NEIL3: variants seen among roughly 807,000 people sequenced by gnomAD.
NEIL3 encodes endonuclease 8-like 3.
NEIL3 carries 48 observed loss-of-function variants against 57.5 expected under a neutral mutation model. The ratio of observed to expected loss-of-function variants is 0.83; its 90% confidence interval spans 0.66 to 1.06. The LOEUF is 1.06. NEIL3 is among the 50% of genes least tolerant of loss of function. The probability of loss-of-function intolerance (pLI) is 0.00; values close to 1 mark genes in which losing one functional copy is unlikely to be tolerated. For synonymous variants in NEIL3, 261 were observed against 253.2 expected (o/e 1.03, Z -0.29); for missense variants, 717 against 739.1 (o/e 0.97, Z 0.35).
At chr4:177,358,997 C>A (rs913627929) in intron 8 of NEIL3, among the ~76,000 whole-genome samples, 4 of 152,142 alleles carry the variant, frequency 2.6e-5, no homozygotes, top group Non-Finnish European at 5.9e-5. Context: ...ATTGTGAAAT[C>A]TCTTGACTTC....
At chr4:177,311,864 T>G (rs907654395) in intron 1 of NEIL3, among the ~76,000 whole-genome samples, 1 of 151,870 alleles carries the variant, frequency 6.6e-6, no homozygotes, top group African/African-American at 2.4e-5. Flanking sequence ...GACAAGAGAA[T>G]CACTATGATG....
In NEIL3 at chr4:177,353,540, T is replaced by G. The variant is rs10007075; in HGVS notation, c.1272T>G (p.Val424=). ...TTCAAAACTCTCCTCCTGCTAGTGT[T>G]TGTTTGAATGATATACAGCACCCCT... ...EEFQNSPPAS[V]CLNDIQHPSK... Residue 424 remains valine, a synonymous_variant, in exon 8 of 10, where the codon GTT becomes GTG. Coordinates refer to ENST00000264596, the MANE Select transcript of NEIL3 (RefSeq NM_018248.3). 1,152,376 of 1,610,118 alleles carry G rather than the reference T, an allele frequency of 0.72. 419,367 individuals carry two copies. Among genetic ancestry groups the G allele is most frequent in the Non-Finnish European group, 0.76 (888,837 of 1,177,048 alleles).
At chr4:177,325,589 A>T (rs1734765865) in intron 2 of NEIL3, among the ~76,000 whole-genome samples, 2 of 152,054 alleles carry the variant, frequency 1.3e-5, no homozygotes, top group Non-Finnish European at 2.9e-5. Flanking sequence ...AGAAATTCTA[A>T]GTCATTTGGT....
At chr4:177,337,498 C>T (rs1735000289) in intron 4 of NEIL3, among the ~76,000 whole-genome samples, 1 of 151,994 alleles carries the variant, frequency 6.6e-6, no homozygotes, top group South Asian at 2.1e-4. Context: ...CACGTGAGTT[C>T]AGTATGGAAA....
At chr4:177,349,933 GC>G (rs1231909376) in intron 6 of NEIL3, among the ~76,000 whole-genome samples, 4 of 152,196 alleles carry the variant, frequency 2.6e-5, no homozygotes, top group Non-Finnish European at 5.9e-5. Context: ...GCATCATGCT[GC>G]CTTTCAAAGT....
chr4:177,333,483 T>C (rs1415684044), intron 2 of NEIL3, among the ~76,000 whole-genome samples: 1 of 152,204 alleles, frequency 6.6e-6, no homozygotes, highest in Non-Finnish European at 1.5e-5. Flanking sequence ...TATCTTTTGT[T>C]GACTTTGGCA....
intron 2 of NEIL3, 40 bp from the exon 3 acceptor site, chr4:177,335,648 A>G: frequency 6.3e-7 from 1 of 1,589,930 alleles, no homozygotes; most frequent in Non-Finnish European, 8.6e-7. Context: ...GATAAATGAT[A>G]TACTTTCTGC....
chr4:177,370,618 G>A, the NEIL3 span, among the ~76,000 whole-genome samples: 3,899 of 152,190 alleles, frequency 0.026, 170 homozygotes, highest in African/African-American at 0.087. Flanking sequence ...AAGAGATGAA[G>A]AGCTGGGTGC....
At chr4:177,311,702 G>A (rs1482229452) in intron 1 of NEIL3, among the ~76,000 whole-genome samples, 5 of 151,150 alleles carry the variant, frequency 3.3e-5, no homozygotes, top group Non-Finnish European at 7.4e-5. Context: ...AAAAGCTGAG[G>A]TGTGCAGGGT....
At chr4:177,358,732 C>G (rs1735541532) in intron 8 of NEIL3, among the ~76,000 whole-genome samples, 1 of 152,110 alleles carries the variant, frequency 6.6e-6, no homozygotes, top group Non-Finnish European at 1.5e-5. Flanking sequence ...TGGCCCTTCT[C>G]CCCAGAAAAA....
rs1167596266 is a variant in NEIL3 at position 177,351,392 on chromosome 4, T to G, written c.882T>G (p.Thr294=). 1 of 1,607,872 alleles carries G rather than the reference T, an allele frequency of 6.2e-7. No homozygotes were observed. Among genetic ancestry groups the G allele is most frequent in the East Asian group, 2.2e-5 (1 of 44,854 alleles). The change falls in exon 7 of 10, where the codon ACT becomes ACG. Residue 294 remains threonine (T), a synonymous_variant. Transcript: ENST00000264596. ...PQHVDICKLP[T]RNTIISWTSS... ...AATTATCTTATAGCAAGCTACCGAC[T>G]AGAAATACTATAATCAGTTGGACAT...
chr4:177,320,480 T>TGC (rs1293269298), intron 1 of NEIL3, among the ~76,000 whole-genome samples: 13 of 86,826 alleles, frequency 1.5e-4, no homozygotes, highest in African/African-American at 5.1e-4. Context: ...TTTTTTTTTT[T>TGC]TTTTTTTTTT....
downstream of NEIL3, among the ~76,000 whole-genome samples, chr4:177,364,909 A>G (rs1328253156): frequency 6.6e-6 from 1 of 150,726 alleles, no homozygotes; most frequent in Non-Finnish European, 1.5e-5. Flanking sequence ...GCCTGGTGAC[A>G]GAGTGAGACT....
intron 7 of NEIL3, among the ~76,000 whole-genome samples, chr4:177,352,740 G>T (rs1735384436): frequency 6.6e-6 from 1 of 151,914 alleles, no homozygotes; most frequent in Admixed American, 6.6e-5. Context: ...TGAGGCAGGA[G>T]AATGGCGTGA....
Position 177,309,876 on chromosome 4 carries a change from T to G in NEIL3, c.-78T>G. 6.6e-7 allele frequency: 1 copy of G among 1,525,418 alleles called. No homozygotes were observed. Among genetic ancestry groups the G allele is most frequent in the Non-Finnish European group, 8.8e-7 (1 of 1,136,064 alleles). The allele number at this position is 1,525,418 out of a possible 1,614,324, so 94.5% of individuals were successfully genotyped here. A position where few individuals can be genotyped will look rare whatever the true frequency, so the allele number is the denominator to read the frequency against. ...TTGAATTTCCTCTGCGTGCGGTCAG[T>G]GCCCGCGCAGCGTTGAGTTGCACAG... is the stretch of plus-strand genomic sequence containing the variant. On this transcript the variant is annotated 5_prime_UTR_variant, in exon 1 of 10. Transcript: ENST00000264596.
chr4:177,317,109 T>C (rs1734588220), intron 1 of NEIL3, among the ~76,000 whole-genome samples: 1 of 152,238 alleles, frequency 6.6e-6, no homozygotes, highest in Admixed American at 6.5e-5. Context: ...TAAGTTAATA[T>C]CTACCTTGAA....
chr4:177,364,178 T>TA (rs35566131), downstream of NEIL3, among the ~76,000 whole-genome samples: 20,395 of 152,220 alleles, frequency 0.13, 1,534 homozygotes, highest in South Asian at 0.26. Flanking sequence ...TCTATTATGA[T>TA]AAAATTTCTC....
Position 177,322,568 on chromosome 4 carries a change from C to A in NEIL3, c.266C>A (p.Pro89Gln), listed in dbSNP as rs1474425066. 7.4e-6 allele frequency: 12 copies of A among 1,613,626 alleles called. No homozygotes were observed. The highest frequency in any genetic ancestry group is 1.7e-5 in the Admixed American group (1 of 59,986). Residue 89 changes from proline (P) to glutamine (Q), a missense_variant, in exon 2 of 10, where the codon CCA becomes CAA. Physicochemically the swap from Pro to Gln is moderately conservative, Grantham distance 76. Transcript: ENST00000264596. ...AAGGAGCTCTTTATGTACTTTGGACCAAAAGCTTTACGGTAAGATAAGCCT... is the reference window on the plus strand; with the variant it reads ...AAGGAGCTCTTTATGTACTTTGGACAAAAAGCTTTACGGTAAGATAAGCCT... Reference protein sequence around the residue: ...LGKELFMYFGPKALRIHFGMK... With the variant: ...LGKELFMYFGQKALRIHFGMK...
At chr4:177,320,100 A>C (rs1734649853) in intron 1 of NEIL3, among the ~76,000 whole-genome samples, 1 of 152,162 alleles carries the variant, frequency 6.6e-6, no homozygotes, top group South Asian at 2.1e-4. Flanking sequence ...GTTTATAGGA[A>C]CTTTTTACAT....
Sources: gnomAD v4.1 joint callset for allele counts (sites outside exome capture counted in the v4.1 genomes callset) on GRCh38, gnomAD v4.1.1 for gene constraint, MANE v1.5 for transcripts, NCBI Gene and HGNC (gene_info 2026-07-23, HGNC 2026-07-21) for gene names.